The following ADCY2 variants were observed in gnomAD, a reference collection of about 807,000 sequenced individuals.
ADCY2 encodes adenylate cyclase 2.
In ADCY2, 31 loss-of-function variants were observed where a neutral mutation model predicts 125.2. That is an observed-to-expected ratio of 0.25 (90% CI 0.19 to 0.33). The LOEUF (loss-of-function observed/expected upper bound fraction) is 0.33, where lower values mean the gene tolerates loss of function less well. Among genes scored for constraint, ADCY2 ranks in the 10% least tolerant of loss-of-function variants. The pLI, the probability that ADCY2 is intolerant of heterozygous loss-of-function variation, is 1.00. For synonymous variants in ADCY2, 512 were observed against 548.4 expected (o/e 0.93, Z 0.93); for missense variants, 904 against 1,418.2 (o/e 0.64, Z 5.82).
intron 2 of ADCY2, among the ~76,000 whole-genome samples, chr5:7,488,342 A>G (rs1404889313): frequency 1.3e-5 from 2 of 151,528 alleles, no homozygotes; most frequent in East Asian, 3.9e-4. Flanking sequence ...AGTCCATTAA[A>G]CCTCTTTCCT....
chr5:7,533,132 C>A (rs934655981), intron 3 of ADCY2, among the ~76,000 whole-genome samples: 2 of 150,010 alleles, frequency 1.3e-5, no homozygotes, highest in African/African-American at 2.4e-5. Context: ...TATGCATATA[C>A]ACACTATATT....
intron 3 of ADCY2, among the ~76,000 whole-genome samples, chr5:7,536,526 T>A (rs1734819231): frequency 6.6e-6 from 1 of 152,164 alleles, no homozygotes; most frequent in African/African-American, 2.4e-5. Context: ...CTTGAAGAAT[T>A]TTCTCAGATG....
At chr5:7,714,871 C>T (rs774390257) in intron 11 of ADCY2, among the ~76,000 whole-genome samples, 4 of 152,232 alleles carry the variant, frequency 2.6e-5, no homozygotes, top group Non-Finnish European at 5.9e-5. Flanking sequence ...ACATGTCCCT[C>T]CCCATGCCTG....
At chr5:7,694,745 C>A (rs1162176319) in intron 5 of ADCY2, among the ~76,000 whole-genome samples, 1 of 152,174 alleles carries the variant, frequency 6.6e-6, no homozygotes, top group African/African-American at 2.4e-5. Context: ...CATTCATGTA[C>A]AAATATCTAT....
chr5:7,493,520 G>A (rs1380395430), intron 2 of ADCY2, among the ~76,000 whole-genome samples: 1 of 152,124 alleles, frequency 6.6e-6, no homozygotes, highest in Non-Finnish European at 1.5e-5. Context: ...ATAAATAATT[G>A]CTGGAACTCT....
intron 2 of ADCY2, among the ~76,000 whole-genome samples, chr5:7,415,225 C>T (rs1739893510): frequency 6.6e-6 from 1 of 152,202 alleles, no homozygotes; most frequent in African/African-American, 2.4e-5. Context: ...ATCACTGAAT[C>T]TTATTCCTCC....
In ADCY2 at chr5:7,414,025, C is replaced by T. The variant is rs540477672; in HGVS notation, c.211-548C>T. Among the ~76,000 whole-genome samples, 5 of 152,220 alleles carry T rather than the reference C, an allele frequency of 3.3e-5. No individual in the cohort carries two copies. In the South Asian group the frequency reaches 6.2e-4, roughly 19 times the overall value. ...ATGGCGCCCTCCTGTATGCATTTCCCGCTCCCTCACGTTCCATATTCAGCA... is the reference window on the plus strand; with the variant it reads ...ATGGCGCCCTCCTGTATGCATTTCCTGCTCCCTCACGTTCCATATTCAGCA... On this transcript the variant is annotated intron_variant, in intron 1 of 24. Transcript: ENST00000338316.
chr5:7,507,427 C>G (rs1412339613), intron 2 of ADCY2, among the ~76,000 whole-genome samples: 1 of 90,980 alleles, frequency 1.1e-5, no homozygotes, highest in African/African-American at 4.6e-5. Flanking sequence ...GGCGACAGAG[C>G]GAGACTCCGT....
chr5:7,438,643 G>C (rs1482997871), intron 2 of ADCY2, among the ~76,000 whole-genome samples: 1 of 152,208 alleles, frequency 6.6e-6, no homozygotes, highest in African/African-American at 2.4e-5. Flanking sequence ...TTTACTGCTT[G>C]CCCGCTGTAT....
chr5:7,783,122 G>A lies in ADCY2; in HGVS notation c.2385-1243G>A, dbSNP rs201126247. ...GCAATTCTGTTTCCTCATTCCTGCAGGAATCCACCTTTTCTTTGCACTTGA... is the reference window on the plus strand; with the variant it reads ...GCAATTCTGTTTCCTCATTCCTGCAAGAATCCACCTTTTCTTTGCACTTGA... On this transcript the variant is annotated intron_variant, in intron 18 of 24. Coordinates refer to ENST00000338316, the MANE Select transcript of ADCY2 (RefSeq NM_020546.3). Among the ~76,000 whole-genome samples, 20 of 152,226 alleles carry A rather than the reference G, an allele frequency of 1.3e-4. No individual in the cohort carries two copies. In the East Asian group the frequency reaches 3.5e-3, roughly 26 times the overall value.
intron 2 of ADCY2, among the ~76,000 whole-genome samples, chr5:7,473,375 G>A (rs113468541): frequency 6.6e-6 from 1 of 152,174 alleles, no homozygotes; most frequent in Non-Finnish European, 1.5e-5. Flanking sequence ...AGAGAGTGGG[G>A]GGAGGTGCCA....
At chr5:7,690,955 C>T (rs1262654154) in intron 5 of ADCY2, 116 bp downstream of exon 5, 1 of 1,217,314 alleles carries the variant, frequency 8.2e-7, no homozygotes, top group Non-Finnish European at 1.1e-6. Flanking sequence ...GGATCCTTTG[C>T]AGGGGAAATA....
chr5:7,769,629 T>C, intron 17 of ADCY2, among the ~76,000 whole-genome samples: 1 of 152,170 alleles, frequency 6.6e-6, no homozygotes, highest in Non-Finnish European at 1.5e-5. Flanking sequence ...CATAGTCCTT[T>C]TAAAATACCC....
intron 4 of ADCY2, among the ~76,000 whole-genome samples, chr5:7,675,178 A>G (rs1199095587): frequency 1.9e-5 from 2 of 105,964 alleles, no homozygotes; most frequent in East Asian, 2.7e-4. Flanking sequence ...AAAAGAAAGA[A>G]AAAAAGAAAA....
Position 7,766,737 on chromosome 5 carries a change from A to G in ADCY2, c.2145A>G (p.Thr715=). 6 of 1,612,286 alleles carry G rather than the reference A, an allele frequency of 3.7e-6. No individual in the cohort carries two copies. The highest frequency in any genetic ancestry group is 3.4e-6 in the Non-Finnish European group (4 of 1,179,598). ...EETIPPTANT[T]NTSFSASNNQ... The stretch of plus-strand genomic sequence containing the variant: ...CAATCCCTCCAACTGCCAACACAAC[A>G]AACACAAGCTTTTCAGCCTCAAATA... Residue 715 remains threonine, a synonymous_variant, in exon 17 of 25, where the codon ACA becomes ACG. Transcript: ENST00000338316.
intron 18 of ADCY2, among the ~76,000 whole-genome samples, chr5:7,775,413 T>C (rs1743688615): frequency 6.6e-6 from 1 of 151,232 alleles, no homozygotes; most frequent in Non-Finnish European, 1.5e-5. Flanking sequence ...TTGTTTGAGA[T>C]GGAGTCTCAC....
At chr5:7,823,324 G>A (rs1373974831) in intron 24 of ADCY2, among the ~76,000 whole-genome samples, 2 of 152,340 alleles carry the variant, frequency 1.3e-5, no homozygotes, top group African/African-American at 4.8e-5. Context: ...CAGACTTGGA[G>A]TGAGTTTCCA....
At chr5:7,447,443 C>T (rs1741308484) in intron 2 of ADCY2, among the ~76,000 whole-genome samples, 1 of 152,170 alleles carries the variant, frequency 6.6e-6, no homozygotes, top group African/African-American at 2.4e-5. Context: ...GAATCTGGTT[C>T]AGGGAATTGA....
At chr5:7,659,874 G>T (rs996843644) in intron 4 of ADCY2, among the ~76,000 whole-genome samples, 7 of 152,280 alleles carry the variant, frequency 4.6e-5, no homozygotes, top group East Asian at 1.9e-4. Flanking sequence ...TAATAAATTG[G>T]CTATAACCAG....
Sources: gnomAD v4.1 joint callset for allele counts (sites outside exome capture counted in the v4.1 genomes callset) on GRCh38, gnomAD v4.1.1 for gene constraint, MANE v1.5 for transcripts, NCBI Gene and HGNC (gene_info 2026-07-23, HGNC 2026-07-21) for gene names.